Variants in CDH13 observed in about 807,000 individuals in gnomAD.
The protein encoded by CDH13 is cadherin 13.
Under a neutral mutation model 63.8 loss-of-function variants are expected in CDH13, and 24 were observed. The observed-to-expected ratio is 0.38, with a 90% confidence interval of 0.27 to 0.53. CDH13 has a LOEUF of 0.53. Ranked by LOEUF, CDH13 falls within the 20% of genes least tolerant of loss-of-function variation. The pLI is 0.85. For synonymous variants in CDH13, 503 were observed against 355.3 expected (o/e 1.42, Z -4.67); for missense variants, 1,049 against 903.1 (o/e 1.16, Z -2.07).
chr16:83,437,056 C>A (rs1220731589), intron 6 of CDH13, among the ~76,000 whole-genome samples: 1 of 152,034 alleles, frequency 6.6e-6, no homozygotes, highest in African/African-American at 2.4e-5. Flanking sequence ...GTCCTTGAGG[C>A]ATGCTTGGTA....
chr16:83,793,639 C>T (rs956400862), intron 13 of CDH13, among the ~76,000 whole-genome samples: 1 of 152,080 alleles, frequency 6.6e-6, no homozygotes, highest in Non-Finnish European at 1.5e-5. Context: ...ATCCCTGGAA[C>T]CTGTAAACAT....
At position 83,305,799 on chromosome 16, in the gene CDH13, C is replaced by A. The variant is rs906090849; in HGVS notation, c.637-39063C>A. On this transcript the variant is annotated intron_variant, in intron 5 of 13. Coordinates refer to ENST00000567109, the MANE Select transcript of CDH13 (RefSeq NM_001257.5). ...GGTGAACAGATATTATACTGTAAAG[C>A]TACCTAGTAGGAGGCCAAACGCATA... Among the ~76,000 whole-genome samples the A allele has an allele frequency of 2.0e-5, 3 of 152,258 alleles. No homozygotes were observed. The South Asian group carries it at 6.2e-4, about 32-fold the overall frequency.
chr16:82,902,698 T>G (rs148648927), intron 2 of CDH13, among the ~76,000 whole-genome samples: 1 of 152,090 alleles, frequency 6.6e-6, no homozygotes, highest in Non-Finnish European at 1.5e-5. Flanking sequence ...AACATTGGCA[T>G]TCATTCATTT....
intron 10 of CDH13, among the ~76,000 whole-genome samples, chr16:83,719,160 CAGTAGCCA>C (rs1364269501): frequency 1.3e-5 from 2 of 152,160 alleles, no homozygotes; most frequent in Non-Finnish European, 2.9e-5. Context: ...GCAGAGAGTC[CAGTAGCCA>C]AGTAGAATTG....
intron 7 of CDH13, among the ~76,000 whole-genome samples, chr16:83,566,349 G>T (rs1904280321): frequency 6.6e-6 from 1 of 152,154 alleles, no homozygotes; most frequent in Admixed American, 6.5e-5. Flanking sequence ...ATGGGGCAGG[G>T]GTGGCCTGCT....
At chr16:83,029,230 T>A (rs572952060) in intron 2 of CDH13, among the ~76,000 whole-genome samples, 29 of 152,306 alleles carry the variant, frequency 1.9e-4, no homozygotes, top group African/African-American at 6.5e-4. Context: ...CAGTTTAGAT[T>A]TTCAGATATT....
intron 6 of CDH13, among the ~76,000 whole-genome samples, chr16:83,415,101 G>A (rs1032970528): frequency 2.0e-5 from 3 of 151,364 alleles, no homozygotes; most frequent in Admixed American, 6.6e-5. Flanking sequence ...TTATACCACA[G>A]AAATAAAAAG....
intron 13 of CDH13, among the ~76,000 whole-genome samples, chr16:83,789,337 C>CTTTTTTTTTTTT (rs148503283): frequency 3.8e-5 from 5 of 132,304 alleles, no homozygotes; most frequent in Non-Finnish European, 6.3e-5. Context: ...TAGTAGCTTT[C>CTTTTTTTTTTTT]TTTTTTTTTG....
In CDH13 at chr16:82,644,882, G is replaced by A. The variant is rs1278013710; in HGVS notation, c.45+17745G>A. ...TTCTGAAGAGATACTGGTTCCATGG[G>A]AGGTTAATATGGGTTCTGGGGAAAA... is the stretch of plus-strand genomic sequence containing the variant. On this transcript the variant is annotated intron_variant, in intron 1 of 13. Coordinates refer to ENST00000567109, the MANE Select transcript of CDH13 (RefSeq NM_001257.5). This position sits in a 1 kb window ranked among gnomAD's most constrained non-coding sequence, Gnocchi z 5.7. Among the ~76,000 whole-genome samples the A allele has an allele frequency of 6.6e-6, 1 of 152,212 alleles. No individual in the cohort carries two copies. Among genetic ancestry groups the A allele is most frequent in the Non-Finnish European group, 1.5e-5 (1 of 68,038 alleles).
At chr16:82,998,731 C>A (rs1912526541) in intron 2 of CDH13, among the ~76,000 whole-genome samples, 1 of 152,070 alleles carries the variant, frequency 6.6e-6, no homozygotes, top group Non-Finnish European at 1.5e-5. Flanking sequence ...TGTTCCATAT[C>A]CTTAGAATAA....
chr16:83,487,876 C>T (rs961168611), intron 7 of CDH13, among the ~76,000 whole-genome samples: 1 of 152,190 alleles, frequency 6.6e-6, no homozygotes, highest in African/African-American at 2.4e-5. Context: ...TCAAGAGATT[C>T]TGGATTACAT....
chr16:82,977,472 G>A (rs894968065), intron 2 of CDH13, among the ~76,000 whole-genome samples: 4 of 152,290 alleles, frequency 2.6e-5, no homozygotes, highest in African/African-American at 9.6e-5. Context: ...TTAATTATGA[G>A]TGAGTTCTCA....
chr16:82,794,218 T>C (rs1047636869), intron 1 of CDH13, among the ~76,000 whole-genome samples: 2 of 151,596 alleles, frequency 1.3e-5, no homozygotes, highest in African/African-American at 4.8e-5. Flanking sequence ...TCGTTAGTGT[T>C]ATTTTATGTG....
chr16:83,117,502 C>G (rs576542989), intron 3 of CDH13, among the ~76,000 whole-genome samples: 1 of 152,164 alleles, frequency 6.6e-6, no homozygotes, highest in African/African-American at 2.4e-5. Flanking sequence ...TCTTTTTTCT[C>G]TTGAGCCATA....
intron 4 of CDH13, among the ~76,000 whole-genome samples, chr16:83,150,296 TTCTC>T (rs1352000794): frequency 6.6e-6 from 1 of 151,822 alleles, no homozygotes; most frequent in Admixed American, 6.6e-5. Flanking sequence ...ACATCCCTAA[TTCTC>T]TCTCTCTCTG....
intron 8 of CDH13, among the ~76,000 whole-genome samples, chr16:83,621,118 C>A (rs891598316): frequency 3.7e-4 from 56 of 152,294 alleles, no homozygotes; most frequent in Middle Eastern, 3.4e-3. Flanking sequence ...GCTCCGACAG[C>A]TGAAGAACTT....
At chr16:83,391,405 C>A (rs907397199) in intron 6 of CDH13, among the ~76,000 whole-genome samples, 1 of 152,066 alleles carries the variant, frequency 6.6e-6, no homozygotes, top group Non-Finnish European at 1.5e-5. Flanking sequence ...GGGGTTTCAC[C>A]ATGTTGGCCC....
At chr16:82,717,466 C>G (rs2032457398) in intron 1 of CDH13, among the ~76,000 whole-genome samples, 1 of 148,668 alleles carries the variant, frequency 6.7e-6, no homozygotes, top group Non-Finnish European at 1.5e-5. Context: ...AGCCCCCCCA[C>G]TCATCCACAC....
chr16:82,986,903 G>C (rs976994326), intron 2 of CDH13, among the ~76,000 whole-genome samples: 1 of 152,196 alleles, frequency 6.6e-6, no homozygotes, highest in African/African-American at 2.4e-5. Flanking sequence ...GTGTAGGACA[G>C]ACTCACCTGG....
Sources: allele counts gnomAD v4.1 joint callset (sites outside exome capture counted in the v4.1 genomes callset), GRCh38; gene constraint gnomAD v4.1.1; non-coding constraint Gnocchi (gnomAD v3.1); transcripts MANE v1.5; gene names NCBI Gene and HGNC (gene_info 2026-07-23, HGNC 2026-07-21).